The following MECOM variants were observed in gnomAD, a reference collection of about 807,000 sequenced individuals.
The protein encoded by MECOM is MDS1 and EVI1 complex locus.
Under a neutral mutation model 116.3 loss-of-function variants are expected in MECOM, and 13 were observed. The ratio of observed to expected loss-of-function variants is 0.11; its 90% CI spans 0.07 to 0.18. The LOEUF is 0.18. Among genes scored for constraint, MECOM ranks in the 10% least tolerant of loss-of-function variants. The pLI, the probability that MECOM is intolerant of heterozygous loss-of-function variation, is 1.00. For synonymous variants in MECOM, 528 were observed against 535.2 expected (o/e 0.99, Z 0.19); for missense variants, 1,299 against 1,509.0 (o/e 0.86, Z 2.31).
intron 4 of MECOM, among the ~76,000 whole-genome samples, chr3:169,130,333 T>G (rs1734245882): frequency 6.6e-6 from 1 of 152,156 alleles, no homozygotes; most frequent in Non-Finnish European, 1.5e-5. Context: ...CGAAGAGCCC[T>G]TTCCCATTGG....
intron 1 of MECOM, among the ~76,000 whole-genome samples, chr3:169,629,635 G>C (rs774227952): frequency 2.6e-5 from 4 of 152,188 alleles, no homozygotes; most frequent in Non-Finnish European, 5.9e-5. Flanking sequence ...GTAAGGGAAC[G>C]TGCATGTAGG....
At chr3:169,590,342 C>T (rs1436729929) in intron 1 of MECOM, among the ~76,000 whole-genome samples, 1 of 152,132 alleles carries the variant, frequency 6.6e-6, no homozygotes, top group Non-Finnish European at 1.5e-5. Context: ...ACAATAGCAA[C>T]AGCAAGAGAT....
rs542971556 is a variant in MECOM at position 169,490,887 on chromosome 3, TA to T, written c.38-109364del. 2.9e-3 allele frequency among the ~76,000 whole-genome samples: 445 copies of T among 152,052 alleles called. 2 individuals carry two copies. The highest frequency in any genetic ancestry group is 9.7e-3 in the African/African-American group (401 of 41,474). On this transcript the variant is annotated intron_variant, in intron 1 of 16. Coordinates refer to ENST00000651503, the MANE Select transcript of MECOM (RefSeq NM_004991.4). ...CATGTATTTGAAGCATTTCATAATA[TA>T]AAAAAAATGTTTTTTTGTAGTGACA... is the stretch of plus-strand genomic sequence containing the variant.
chr3:169,132,513 T>A (rs1379932741), intron 3 of MECOM, among the ~76,000 whole-genome samples: 1 of 152,206 alleles, frequency 6.6e-6, no homozygotes, highest in Non-Finnish European at 1.5e-5. Flanking sequence ...TAAGGTTATT[T>A]ATTAAACAAT....
At chr3:169,283,662 A>T (rs1232771380) in intron 2 of MECOM, among the ~76,000 whole-genome samples, 1 of 152,100 alleles carries the variant, frequency 6.6e-6, no homozygotes, top group Admixed American at 6.6e-5. Flanking sequence ...CATCAATTTT[A>T]CTCTAAGTAG....
intron 1 of MECOM, among the ~76,000 whole-genome samples, chr3:169,480,844 G>T (rs1460230313): frequency 1.3e-5 from 2 of 152,022 alleles, no homozygotes; most frequent in East Asian, 3.9e-4. Context: ...GAGTGTCAAG[G>T]ATCAACACAT....
rs1039535542 is a variant in MECOM, at chr3:169,504,680, C to T, written c.38-123156G>A. ...CTGCCTAAATGAGACTTGTGGGATGCTATCAAAGGATAGCAATGACAAGTG... is the reference window on the plus strand; with the variant it reads ...CTGCCTAAATGAGACTTGTGGGATGTTATCAAAGGATAGCAATGACAAGTG... On this transcript the variant is annotated intron_variant, in intron 1 of 16. Coordinates refer to ENST00000651503, the MANE Select transcript of MECOM (RefSeq NM_004991.4). Among the ~76,000 whole-genome samples the T allele has an allele frequency of 3.3e-5, 5 of 152,110 alleles. No homozygotes were observed. In the South Asian group the frequency reaches 6.2e-4, roughly 19 times the overall value.
At chr3:169,234,590 C>T (rs191728398) in intron 2 of MECOM, among the ~76,000 whole-genome samples, 35 of 152,176 alleles carry the variant, frequency 2.3e-4, no homozygotes, top group Admixed American at 5.9e-4. Flanking sequence ...TACTAAAGAG[C>T]CTTCAATAAT....
chr3:169,164,086 A>G (rs1047079181), intron 2 of MECOM, among the ~76,000 whole-genome samples: 1 of 152,146 alleles, frequency 6.6e-6, no homozygotes, highest in African/African-American at 2.4e-5. Context: ...GATTAAATAT[A>G]TTTAAATTAT....
intron 4 of MECOM, among the ~76,000 whole-genome samples, chr3:169,130,466 C>T (rs542370425): frequency 6.7e-6 from 1 of 149,040 alleles, no homozygotes; most frequent in South Asian, 2.1e-4. Flanking sequence ...CCCGCCCCCG[C>T]CGCCAGCCCT....
chr3:169,206,534 C>A (rs1257373484), intron 2 of MECOM, among the ~76,000 whole-genome samples: 1 of 151,870 alleles, frequency 6.6e-6, no homozygotes, highest in East Asian at 1.9e-4. Context: ...GGCAGATTGC[C>A]TGAAGTCAGG....
chr3:169,369,855 T>C (rs914111439), intron 2 of MECOM, among the ~76,000 whole-genome samples: 11 of 152,200 alleles, frequency 7.2e-5, no homozygotes, highest in Admixed American at 3.3e-4. Flanking sequence ...TACTTTGTAA[T>C]GTAGGCTTTT....
chr3:169,360,863 T>C (rs1407863317), intron 2 of MECOM, among the ~76,000 whole-genome samples: 1 of 151,800 alleles, frequency 6.6e-6, no homozygotes, highest in African/African-American at 2.4e-5. Flanking sequence ...AGATGCCATG[T>C]CAGTCCATAC....
At chr3:169,146,590 G>A in intron 2 of MECOM, 1 of 1,373,120 alleles carries the variant, frequency 7.3e-7, no homozygotes, top group Non-Finnish European at 9.7e-7. Flanking sequence ...CCGCGAGACT[G>A]CGGGCGAGGA....
At chr3:169,254,211 A>C (rs1030820729) in intron 2 of MECOM, among the ~76,000 whole-genome samples, 29 of 152,146 alleles carry the variant, frequency 1.9e-4, no homozygotes, top group African/African-American at 6.3e-4. Flanking sequence ...ATAAAGGTTG[A>C]AATCTATGTC....
At position 169,639,137 on chromosome 3, in the gene MECOM, C is replaced by G. The variant is rs377549762; in HGVS notation, c.37+24199G>C. On this transcript the variant is annotated intron_variant, in intron 1 of 16. Coordinates refer to ENST00000651503, the MANE Select transcript of MECOM (RefSeq NM_004991.4). The stretch of plus-strand genomic sequence containing the variant: ...GAGATAACTAAAAAATAAATGTTTA[C>G]TTAATAAATGTATTAATCCAGAGAG... Among the ~76,000 whole-genome samples the G allele has an allele frequency of 1.4e-3, 217 of 152,218 alleles. 3 individuals are homozygous for G. The highest frequency in any genetic ancestry group is 4.9e-3 in the African/African-American group (205 of 41,550).
intron 1 of MECOM, among the ~76,000 whole-genome samples, chr3:169,632,990 A>G (rs750743984): frequency 2.0e-5 from 3 of 152,220 alleles, no homozygotes; most frequent in Non-Finnish European, 4.4e-5. Flanking sequence ...GAAAAAAGCA[A>G]TGGACCTATC....
intron 2 of MECOM, among the ~76,000 whole-genome samples, chr3:169,228,647 T>G (rs1753026163): frequency 6.6e-6 from 1 of 152,172 alleles, no homozygotes; most frequent in Admixed American, 6.5e-5. Flanking sequence ...TCAAAGGCAT[T>G]TCCATGCAAA....
chr3:169,426,422 G>T (rs138029339), intron 1 of MECOM, among the ~76,000 whole-genome samples: 89 of 152,194 alleles, frequency 5.8e-4, no homozygotes, highest in Non-Finnish European at 6.3e-4. Context: ...CTCAGGCAGG[G>T]AAAAGGAACC....
Sources: allele counts gnomAD v4.1 joint callset (sites outside exome capture counted in the v4.1 genomes callset), GRCh38; gene constraint gnomAD v4.1.1; transcripts MANE v1.5; gene names NCBI Gene and HGNC (gene_info 2026-07-23, HGNC 2026-07-21).